The following YEATS2 variants were observed in gnomAD, a reference collection of about 807,000 sequenced individuals.
YEATS2 encodes YEATS domain-containing protein 2.
In YEATS2, 77 loss-of-function variants were observed where a neutral mutation model predicts 163.2. The ratio of observed to expected loss-of-function variants is 0.47; its 90% CI spans 0.39 to 0.57. The LOEUF is 0.57. Among genes scored for constraint, YEATS2 ranks in the 20% least tolerant of loss-of-function variants. The pLI is 0.00. For missense variants in YEATS2, 1,549 were observed against 1,729.8 expected, an observed-to-expected ratio of 0.90 and a Z score of 1.85; for synonymous variants, 631 against 645.1, an observed-to-expected ratio of 0.98 and a Z score of 0.33.
intron 1 of YEATS2, among the ~76,000 whole-genome samples, chr3:183,712,225 T>TTATTTTATTTTATTTTA (rs1553856426): frequency 6.7e-5 from 10 of 150,168 alleles, no homozygotes; most frequent in South Asian, 2.1e-4. Flanking sequence ...TTATTTTATT[T>TTATTTTATTTTATTTTA]TTTGAGACAG....
intron 25 of YEATS2, chr3:183,802,369 T>C (rs1163309452): frequency 1.3e-5 from 2 of 153,052 alleles, no homozygotes; most frequent in African/African-American, 4.8e-5. Flanking sequence ...AGCAAAGCAG[T>C]AATCTCTTTC....
At chr3:183,764,552 A>G (rs536923468) in intron 15 of YEATS2, among the ~76,000 whole-genome samples, 57 of 152,240 alleles carry the variant, frequency 3.7e-4, no homozygotes, top group Admixed American at 6.5e-4. Context: ...GCTCACGCCT[A>G]TAATTCCAGC....
chr3:183,786,355 A>T, intron 20 of YEATS2, 54 bp downstream of exon 20: 1 of 1,539,796 alleles, frequency 6.5e-7, no homozygotes. Context: ...AGTGGTGTAG[A>T]TACAAGGAAG....
intron 15 of YEATS2, among the ~76,000 whole-genome samples, chr3:183,767,239 G>A (rs1246874176): frequency 1.3e-5 from 2 of 151,702 alleles, no homozygotes; most frequent in African/African-American, 4.8e-5. Flanking sequence ...TTTTGTTTCT[G>A]TTTTGAGACA....
Position 183,762,086 on chromosome 3 carries a change from T to A in YEATS2, c.1765-11T>A, listed in dbSNP as rs1181816211. 1 of 1,614,110 alleles carries A rather than the reference T, an allele frequency of 6.2e-7. No homozygotes were observed. ...TGGATGTTTATTCAGTGTCATTATGTTTGTTGCAAGGTGATCATCAAACAG... is the reference window on the plus strand; with the variant it reads ...TGGATGTTTATTCAGTGTCATTATGATTGTTGCAAGGTGATCATCAAACAG... On this transcript the variant is annotated splice_polypyrimidine_tract_variant and intron_variant, in intron 14 of 30. Coordinates refer to ENST00000305135, the MANE Select transcript of YEATS2 (RefSeq NM_018023.5).
chr3:183,781,809 G>A (rs1723586859), intron 19 of YEATS2, among the ~76,000 whole-genome samples: 1 of 152,098 alleles, frequency 6.6e-6, no homozygotes, highest in Non-Finnish European at 1.5e-5. Context: ...AGGCTGAGGT[G>A]GGAGGATGGC....
chr3:183,720,957 TTTC>T (rs1239929064), intron 4 of YEATS2, among the ~76,000 whole-genome samples: 8 of 152,214 alleles, frequency 5.3e-5, no homozygotes, highest in Non-Finnish European at 1.0e-4. Flanking sequence ...TGTGTCCAAG[TTTC>T]CCTCTTCTTA....
chr3:183,712,764 ATTTTT>A (rs35062693), intron 1 of YEATS2, among the ~76,000 whole-genome samples: 1 of 146,382 alleles, frequency 6.8e-6, no homozygotes, highest in African/African-American at 2.5e-5. Flanking sequence ...ACTAATACAA[ATTTTT>A]TTTTTTTTTC....
rs545362898 is a variant in YEATS2 at position 183,796,022 on chromosome 3, G to T, written c.3098-1901G>T. On this transcript the variant is annotated intron_variant, in intron 21 of 30. Transcript: ENST00000305135. ...TTTGAGACGGAGTTCCGCTCTCGTT[G>T]CCCAGGCTGGAGTGCAATGGCGTGA... Among the ~76,000 whole-genome samples, 3 of 129,396 alleles carry T rather than the reference G, an allele frequency of 2.3e-5. No homozygotes were observed. In the South Asian group the frequency reaches 7.4e-4, roughly 32 times the overall value. The allele number at this position is 129,396 out of a possible 152,430, so 84.9% of individuals were successfully genotyped here.
intron 8 of YEATS2, among the ~76,000 whole-genome samples, chr3:183,743,120 T>A (rs1280003031): frequency 6.6e-6 from 1 of 152,250 alleles, no homozygotes; most frequent in Non-Finnish European, 1.5e-5. Context: ...ATTCACTTCA[T>A]TGCAGTAGTC....
At chr3:183,792,691 TAG>T (rs1428290694) in intron 21 of YEATS2, among the ~76,000 whole-genome samples, 1 of 152,110 alleles carries the variant, frequency 6.6e-6, no homozygotes, top group Non-Finnish European at 1.5e-5. Flanking sequence ...CTAATTTTTG[TAG>T]AGACAGGTTT....
intron 7 of YEATS2, among the ~76,000 whole-genome samples, chr3:183,730,052 G>GTTTTTTTTTTTTTTTTTTTTTTTTTT (rs869091775): frequency 4.8e-5 from 2 of 41,698 alleles, no homozygotes; most frequent in African/African-American, 8.2e-5. Flanking sequence ...TTTTTTGTTT[G>GTTTTTTTTTTTTTTTTTTTTTTTTTT]TTTTTTTTTT....
chr3:183,762,781 G>A (rs1026934534), intron 15 of YEATS2, among the ~76,000 whole-genome samples: 1 of 152,038 alleles, frequency 6.6e-6, no homozygotes, highest in African/African-American at 2.4e-5. Flanking sequence ...GCCGGGCATG[G>A]TGGCTCACGC....
intron 30 of YEATS2, 115 bp downstream of exon 30, chr3:183,809,285 T>C: frequency 9.5e-7 from 1 of 1,048,466 alleles, no homozygotes; most frequent in African/African-American, 1.6e-5. Flanking sequence ...GAGTGAGTGC[T>C]TAGGACACTC....
At chr3:183,759,069 C>A in intron 13 of YEATS2, 104 bp downstream of exon 13, 1 of 738,062 alleles carries the variant, frequency 1.4e-6, no homozygotes, top group Non-Finnish European at 2.1e-6. Flanking sequence ...ATTAACCAGG[C>A]TGTATCGAAC....
chr3:183,801,215 G>T, intron 24 of YEATS2: 1 of 374,872 alleles, frequency 2.7e-6, no homozygotes, highest in Non-Finnish European at 4.8e-6. Flanking sequence ...TTAAATGTCT[G>T]TAATATGTGC....
In YEATS2 at chr3:183,810,762, C is replaced by G; in HGVS notation, c.*179C>G. The G allele has an allele frequency of 1.7e-6, 1 of 587,674 alleles. No individual in the cohort carries two copies. 36.4% of individuals were successfully genotyped at this position (587,674 alleles called of 1,614,324 possible). A position where few individuals can be genotyped will look rare whatever the true frequency, so the allele number is the denominator to read the frequency against. On this transcript the variant is annotated 3_prime_UTR_variant, in exon 31 of 31. Coordinates refer to ENST00000305135, the MANE Select transcript of YEATS2 (RefSeq NM_018023.5). ...ACGCTGCACTCCAGATGAAATCCTC[C>G]TAGGACAGGAGTTTGTTTCCTGAGT...
chr3:183,807,697 G>A, intron 28 of YEATS2: 1 of 248,838 alleles, frequency 4.0e-6, no homozygotes, highest in Non-Finnish European at 7.8e-6. Context: ...AGTGCAAACA[G>A]GACGTTGGAG....
At chr3:183,706,187 G>C (rs1427964929) in intron 1 of YEATS2, among the ~76,000 whole-genome samples, 1 of 152,076 alleles carries the variant, frequency 6.6e-6, no homozygotes, top group African/African-American at 2.4e-5. Context: ...GCTGGAATCT[G>C]ATTAAGCTAA....
Sources: gnomAD v4.1 joint callset for allele counts (sites outside exome capture counted in the v4.1 genomes callset) on GRCh38, gnomAD v4.1.1 for gene constraint, MANE v1.5 for transcripts, NCBI Gene and HGNC (gene_info 2026-07-23, HGNC 2026-07-21) for gene names.